The following TMEM17 variants were observed in gnomAD, a reference collection of about 807,000 sequenced individuals.
The protein encoded by TMEM17 is transmembrane protein 17.
In TMEM17, 15 loss-of-function variants were observed where a neutral mutation model predicts 19.1. The observed-to-expected ratio is 0.78, with a 90% CI of 0.52 to 1.21. The LOEUF is 1.21. Among genes scored for constraint, TMEM17 ranks in the 50% most tolerant of loss-of-function variants. The pLI is 0.00. For synonymous variants in TMEM17, 103 were observed against 86.9 expected, an observed-to-expected ratio of 1.19 and a Z score of -1.03; for missense variants, 245 against 242.3, an observed-to-expected ratio of 1.01 and a Z score of -0.07.
At chr2:62,494,545 AGT>A in the TMEM17 span, among the ~76,000 whole-genome samples, 1 of 152,196 alleles carries the variant, frequency 6.6e-6, no homozygotes. Context: ...AATATTGAGC[AGT>A]GTCTCTAATG....
chr2:62,479,466 T>G, the TMEM17 span, among the ~76,000 whole-genome samples: 2 of 152,236 alleles, frequency 1.3e-5, no homozygotes, highest in South Asian at 4.1e-4. Context: ...TCTTTACCCA[T>G]TCATCCGTTG....
At chr2:62,468,651 C>T in the TMEM17 span, among the ~76,000 whole-genome samples, 43 of 152,224 alleles carry the variant, frequency 2.8e-4, 1 homozygote, top group East Asian at 8.1e-3. Flanking sequence ...CAGGGGAGAA[C>T]CAAAGAGTAA....
chr2:62,501,140 GCT>G lies in TMEM17; in HGVS notation c.*67_*68del. 6.6e-7 allele frequency: 1 copy of G among 1,516,634 alleles called. No individual in the cohort carries two copies. Among genetic ancestry groups the G allele is most frequent in the Non-Finnish European group, 8.9e-7 (1 of 1,121,458 alleles). The allele number at this position is 1,516,634 out of a possible 1,614,324, so 93.9% of individuals were successfully genotyped here. A position where few individuals can be genotyped will look rare whatever the true frequency, so the allele number is the denominator to read the frequency against. On this transcript the variant is annotated 3_prime_UTR_variant, in exon 4 of 4. Coordinates refer to ENST00000335390, the MANE Select transcript of TMEM17 (RefSeq NM_198276.3). ...CACTTGCTTTGTCCCTTTTCTCAGA[GCT>G]CTGATATTTTCCTAACTCTTACAGT...
the TMEM17 span, among the ~76,000 whole-genome samples, chr2:62,477,450 G>T: frequency 1.3e-4 from 20 of 152,256 alleles, no homozygotes; most frequent in Admixed American, 4.6e-4. Flanking sequence ...AACCAGAAGA[G>T]GCATTCATCT....
the TMEM17 span, among the ~76,000 whole-genome samples, chr2:62,475,489 G>A: frequency 1.3e-5 from 2 of 152,254 alleles, no homozygotes; most frequent in Non-Finnish European, 2.9e-5. Flanking sequence ...CTAGGCTGCT[G>A]CTCCCTGGCG....
chr2:62,499,897 C>G (rs1453401977), downstream of TMEM17, among the ~76,000 whole-genome samples: 1 of 152,204 alleles, frequency 6.6e-6, no homozygotes, highest in Non-Finnish European at 1.5e-5. Context: ...ACCAATTCTC[C>G]TAAAATAGAT....
chr2:62,498,014 A>G (rs1350835177), downstream of TMEM17, among the ~76,000 whole-genome samples: 1 of 152,236 alleles, frequency 6.6e-6, no homozygotes, highest in African/African-American at 2.4e-5. Flanking sequence ...TGTCTTGTCT[A>G]TGAACCTTTG....
Position 62,500,851 on chromosome 2 carries a change from C to A in TMEM17, c.*358G>T, listed in dbSNP as rs73934251. 22,326 of 174,570 alleles carry A rather than the reference C, an allele frequency of 0.13. 1,612 individuals are homozygous for A. The highest frequency in any genetic ancestry group is 0.28 in the East Asian group (1,816 of 6,516). The allele number at this position is 174,570 out of a possible 1,614,324, so 10.8% of individuals were successfully genotyped here. ...ATATGTACAGACAAGACATGGATAA[C>A]CAACAAGTTTTAAAGAAATGTATAC... On this transcript the variant is annotated 3_prime_UTR_variant, in exon 4 of 4. Transcript: ENST00000335390.
At chr2:62,463,556 T>C in the TMEM17 span, among the ~76,000 whole-genome samples, 4 of 152,192 alleles carry the variant, frequency 2.6e-5, no homozygotes, top group Non-Finnish European at 4.4e-5. Flanking sequence ...AATTTTACTA[T>C]GGAGAATCCT....
the TMEM17 span, among the ~76,000 whole-genome samples, chr2:62,471,957 G>A: frequency 2.0e-5 from 3 of 152,240 alleles, no homozygotes; most frequent in Non-Finnish European, 4.4e-5. Flanking sequence ...TATTGGAAGA[G>A]CAAGAACTCA....
the TMEM17 span, among the ~76,000 whole-genome samples, chr2:62,484,744 T>C: frequency 6.6e-6 from 1 of 152,206 alleles, no homozygotes; most frequent in East Asian, 1.9e-4. Context: ...TATGTTCTCA[T>C]GGCTTCAAGT....
At chr2:62,453,890 C>G in the TMEM17 span, among the ~76,000 whole-genome samples, 297 of 152,302 alleles carry the variant, frequency 2.0e-3, 1 homozygote, top group African/African-American at 6.7e-3. Flanking sequence ...GTGCTTGCAT[C>G]TCATGGAGGT....
chr2:62,454,469 T>A, the TMEM17 span, among the ~76,000 whole-genome samples: 1 of 152,088 alleles, frequency 6.6e-6, no homozygotes, highest in South Asian at 2.1e-4. Context: ...GGTGGCACAA[T>A]ATAGCTGCGG....
the TMEM17 span, among the ~76,000 whole-genome samples, chr2:62,461,620 A>G: frequency 2.0e-5 from 3 of 152,190 alleles, no homozygotes; most frequent in Admixed American, 6.5e-5. Flanking sequence ...AATGTGGCCC[A>G]GGACTAAGGA....
rs144524939 is a variant in TMEM17 at position 62,504,450 on chromosome 2, C to T, written c.100+1580G>A. ...ATTGGGCAAGCTGAACATTTCAGTA[C>T]CTTTGAGAAGAAACTGTAGTCAAAT... On this transcript the variant is annotated intron_variant, in intron 1 of 3. Transcript: ENST00000335390. 5.3e-5 allele frequency among the ~76,000 whole-genome samples: 8 copies of T among 152,248 alleles called. No homozygotes were observed. The East Asian group carries it at 5.8e-4, about 11-fold the overall frequency.
At chr2:62,465,186 A>G in the TMEM17 span, among the ~76,000 whole-genome samples, 1 of 152,230 alleles carries the variant, frequency 6.6e-6, no homozygotes, top group Non-Finnish European at 1.5e-5. Flanking sequence ...GCCTACAATT[A>G]GGAATGAACA....
chr2:62,473,924 G>GA, the TMEM17 span, among the ~76,000 whole-genome samples: 1 of 152,152 alleles, frequency 6.6e-6, no homozygotes, highest in Admixed American at 6.5e-5. Flanking sequence ...AGAAAGAGTG[G>GA]AAGTAAGAGG....
chr2:62,492,239 T>C, the TMEM17 span, among the ~76,000 whole-genome samples: 1 of 152,228 alleles, frequency 6.6e-6, no homozygotes, highest in African/African-American at 2.4e-5. Flanking sequence ...AAATTCTGTC[T>C]TCTGTTTACT....
the TMEM17 span, among the ~76,000 whole-genome samples, chr2:62,476,793 A>T: frequency 6.6e-6 from 1 of 152,136 alleles, no homozygotes; most frequent in Non-Finnish European, 1.5e-5. Flanking sequence ...TAAAGACTGA[A>T]ATTCCTTTTT....
Sources: allele counts gnomAD v4.1 joint callset (sites outside exome capture counted in the v4.1 genomes callset), GRCh38; gene constraint gnomAD v4.1.1; transcripts MANE v1.5; gene names NCBI Gene and HGNC (gene_info 2026-07-23, HGNC 2026-07-21).